Variants in THNSL1 observed in about 807,000 individuals in gnomAD.
THNSL1 encodes threonine synthase like 1, also known as threonine synthase-like 1.
A neutral mutation model predicts 50.4 loss-of-function variants in THNSL1; 48 were observed. The observed-to-expected ratio is 0.95, with a 90% CI of 0.76 to 1.21. The LOEUF is 1.21. THNSL1 is among the 50% of genes most tolerant of loss of function. The pLI is 0.00. For missense variants in THNSL1, 896 were observed against 871.7 expected (o/e 1.03, Z -0.35); for synonymous variants, 309 against 306.1 (o/e 1.01, Z -0.10).
the THNSL1 span, among the ~76,000 whole-genome samples, chr10:25,010,082 G>A: frequency 1.3e-5 from 2 of 152,208 alleles, no homozygotes; most frequent in Non-Finnish European, 2.9e-5. Flanking sequence ...GGAGGGCTCA[G>A]AAGGGGACAG....
the THNSL1 span, among the ~76,000 whole-genome samples, chr10:24,981,506 A>T: frequency 1.3e-5 from 2 of 152,228 alleles, no homozygotes; most frequent in Non-Finnish European, 2.9e-5. Context: ...GGTTCAAACA[A>T]GTCCTCTCCT....
At chr10:24,985,534 T>G in the THNSL1 span, among the ~76,000 whole-genome samples, 216 of 152,342 alleles carry the variant, frequency 1.4e-3, no homozygotes, top group Admixed American at 2.4e-3. Flanking sequence ...GATTGAAAGG[T>G]CATTAAATGT....
At chr10:25,009,621 T>C in the THNSL1 span, among the ~76,000 whole-genome samples, 2 of 152,082 alleles carry the variant, frequency 1.3e-5, no homozygotes, top group Admixed American at 6.5e-5. Flanking sequence ...CCATGTGATA[T>C]GGTTTTGCTG....
the THNSL1 span, chr10:24,995,691 A>T: frequency 6.2e-7 from 1 of 1,614,062 alleles, no homozygotes; most frequent in South Asian, 1.1e-5. Context: ...GCTCAAGATC[A>T]TGCTTGTCTC....
At chr10:24,977,926 T>C in the THNSL1 span, among the ~76,000 whole-genome samples, 1 of 152,198 alleles carries the variant, frequency 6.6e-6, no homozygotes, top group Non-Finnish European at 1.5e-5. Context: ...ATCATTTAGA[T>C]AAGTTTATGT....
chr10:24,971,449 A>C, the THNSL1 span, among the ~76,000 whole-genome samples: 53 of 152,228 alleles, frequency 3.5e-4, 1 homozygote, highest in African/African-American at 1.2e-3. Context: ...GGAGGGCATC[A>C]TCCCAGCTCC....
chr10:25,006,737 A>G, the THNSL1 span, among the ~76,000 whole-genome samples: 1 of 152,224 alleles, frequency 6.6e-6, no homozygotes, highest in African/African-American at 2.4e-5. Context: ...TATAGATGTT[A>G]CTGAAGCAAA....
chr10:24,979,328 T>G, the THNSL1 span, among the ~76,000 whole-genome samples: 2 of 152,152 alleles, frequency 1.3e-5, no homozygotes, highest in African/African-American at 4.8e-5. Flanking sequence ...GAGAAAAGGA[T>G]TCAATGGAAG....
the THNSL1 span, chr10:24,984,692 T>C: frequency 6.6e-7 from 1 of 1,520,966 alleles, no homozygotes. Flanking sequence ...CCATGTTTTT[T>C]TCCCCTACAT....
At chr10:25,016,216 C>T (rs1850568714), upstream of THNSL1, 9 of 1,127,846 alleles carry the variant, frequency 8.0e-6, no homozygotes, top group Non-Finnish European at 9.8e-6. Flanking sequence ...GCACCGCAAA[C>T]TAGGTCTCCC....
At chr10:24,988,342 ATATATT>A in the THNSL1 span, among the ~76,000 whole-genome samples, 1 of 145,632 alleles carries the variant, frequency 6.9e-6, no homozygotes, top group East Asian at 2.0e-4. Context: ...ATGTGTATAT[ATATATT>A]TATATATGTG....
chr10:24,998,242 G>A, the THNSL1 span, among the ~76,000 whole-genome samples: 15 of 152,118 alleles, frequency 9.9e-5, no homozygotes, highest in African/African-American at 3.4e-4. Flanking sequence ...GACATAAAAA[G>A]CCAACATTTT....
the THNSL1 span, chr10:24,995,586 T>C: frequency 7.1e-7 from 1 of 1,412,020 alleles, no homozygotes; most frequent in Non-Finnish European, 9.8e-7. Flanking sequence ...ATGATCATCA[T>C]GAACACCATA....
chr10:24,975,149 T>G, the THNSL1 span, among the ~76,000 whole-genome samples: 4 of 152,052 alleles, frequency 2.6e-5, no homozygotes, highest in Non-Finnish European at 5.9e-5. Flanking sequence ...CCATCGAGCT[T>G]ATTCAGAAAA....
At position 25,025,753 on chromosome 10, in the gene THNSL1, A is replaced by C. The variant is rs906269545; in HGVS notation, c.*298A>C. 2 of 289,538 alleles carry C rather than the reference A, an allele frequency of 6.9e-6. No homozygotes were observed. Among genetic ancestry groups the C allele is most frequent in the Non-Finnish European group, 1.4e-5 (2 of 146,060 alleles). 17.9% of individuals were successfully genotyped at this position (289,538 alleles called of 1,614,324 possible). ...CCACACCCTCACTGTTATGTGGACC[A>C]AAATGTCTGGTATACTATTTGGCGA... On this transcript the variant is annotated 3_prime_UTR_variant, in exon 3 of 3. Coordinates refer to ENST00000376356, the MANE Select transcript of THNSL1 (RefSeq NM_024838.5).
At chr10:25,010,846 G>T in the THNSL1 span, among the ~76,000 whole-genome samples, 3 of 151,278 alleles carry the variant, frequency 2.0e-5, no homozygotes, top group Admixed American at 6.6e-5. Flanking sequence ...GTCTATCATT[G>T]TTGGACATTT....
intron 2 of THNSL1, 40 bp from the exon 3 acceptor site, chr10:25,023,136 T>C: frequency 7.5e-7 from 1 of 1,338,446 alleles, no homozygotes; most frequent in Non-Finnish European, 1.0e-6. Context: ...GTAACCAAAT[T>C]ATCTTTTGTT....
intron 1 of THNSL1, among the ~76,000 whole-genome samples, chr10:25,019,439 A>T (rs1850675175): frequency 6.6e-6 from 1 of 152,170 alleles, no homozygotes; most frequent in Non-Finnish European, 1.5e-5. Context: ...GTGCCACTGC[A>T]CTCCTGCCTG....
Position 25,023,335 on chromosome 10 carries a change from G to T in THNSL1, c.112G>T (p.Ala38Ser). 1.9e-6 allele frequency: 3 copies of T among 1,614,132 alleles called. No individual in the cohort carries two copies. Among genetic ancestry groups the T allele is most frequent in the Middle Eastern group, 1.6e-4 (1 of 6,062 alleles). The stretch of plus-strand genomic sequence containing the variant: ...ACAGCGATTTCTTTCAAGAACCTTT[G>T]CACTTGCGGAATTGAGGAAGTCATG... ...HAQRFLSRTF[A>S]LAELRKSWYS... The change falls in exon 3 of 3, where the codon GCA (alanine) becomes TCA (serine). Residue 38 changes from alanine to serine, a missense_variant. Ala to Ser is a moderately conservative substitution (Grantham distance 99, BLOSUM62 1). Coordinates refer to ENST00000376356, the MANE Select transcript of THNSL1 (RefSeq NM_024838.5).
Sources: allele counts gnomAD v4.1 joint callset (sites outside exome capture counted in the v4.1 genomes callset), GRCh38; gene constraint gnomAD v4.1.1; transcripts MANE v1.5; gene names NCBI Gene and HGNC (gene_info 2026-07-23, HGNC 2026-07-21).